DNAJB5: variants seen among roughly 807,000 people sequenced by gnomAD.
DNAJB5 encodes the protein dnaJ homolog subfamily B member 5.
A neutral mutation model predicts 32.6 loss-of-function variants in DNAJB5; 12 were observed. The observed-to-expected ratio is 0.37, with a 90% CI of 0.24 to 0.60. The LOEUF (loss-of-function observed/expected upper bound fraction) is 0.60. Among genes scored for constraint, DNAJB5 ranks in the 20% least tolerant of loss-of-function variants. DNAJB5 has a pLI of 0.71. For synonymous variants in DNAJB5, 188 were observed against 212.9 expected (o/e 0.88, Z 1.02); for missense variants, 358 against 554.2 (o/e 0.65, Z 3.55).
At chr9:34,991,737 C>T (rs903693375) in intron 2 of DNAJB5, 1 of 276,508 alleles carries the variant, frequency 3.6e-6, no homozygotes, top group Non-Finnish European at 7.3e-6. Flanking sequence ...CCATCTCCCC[C>T]ACAGACGTGA....
intron 2 of DNAJB5, chr9:34,991,676 C>CCG (rs1554662743): frequency 7.7e-6 from 2 of 259,492 alleles, no homozygotes; most frequent in South Asian, 2.9e-5. Flanking sequence ...TTGCCCCCCC[C>CCG]CCCAACGAGG....
intron 2 of DNAJB5, chr9:34,991,361 G>C: frequency 2.2e-6 from 1 of 456,294 alleles, no homozygotes; most frequent in Non-Finnish European, 4.4e-6. Flanking sequence ...GATCCTGAAA[G>C]AGCTTGCCCT....
chr9:34,991,671 C>CCA lies in DNAJB5; in HGVS notation c.182+860_182+861insAC, dbSNP rs1554662718. ...GCTGCCATTTCCGAAAACGGTTGCCCCCCCCCCCAACGAGGTGCTCTTTCT... is the reference window on the plus strand; with the variant it reads ...GCTGCCATTTCCGAAAACGGTTGCCCCACCCCCCCCAACGAGGTGCTCTTTCT... On this transcript the variant is annotated intron_variant, in intron 2 of 4. Transcript: ENST00000682809. The CCA allele has an allele frequency of 8.8e-6, 2 of 227,490 alleles. 1 individual carries two copies. The highest frequency in any genetic ancestry group is 1.8e-5 in the Non-Finnish European group (2 of 112,148). The allele number at this position is 227,490 out of a possible 1,614,324, so 14.1% of individuals were successfully genotyped here. A position where few individuals can be genotyped will look rare whatever the true frequency, so the allele number is the denominator to read the frequency against.
At position 34,990,843 on chromosome 9, in the gene DNAJB5, C is replaced by A; in HGVS notation, c.182+31C>A. 2 of 1,530,950 alleles carry A rather than the reference C, an allele frequency of 1.3e-6. No individual in the cohort carries two copies. The highest frequency in any genetic ancestry group is 1.2e-5 in the South Asian group (1 of 80,222). The allele number at this position is 1,530,950 out of a possible 1,614,324, so 94.8% of individuals were successfully genotyped here. On this transcript the variant is annotated intron_variant, in intron 2 of 4. Coordinates refer to ENST00000682809, the MANE Select transcript of DNAJB5 (RefSeq NM_001349723.3). This position sits in a 1 kb window ranked among gnomAD's most constrained non-coding sequence, Gnocchi z 4.5. Reference sequence around the variant, plus strand: ...TCCCTCCGGAGAAGGGCACTCACACCCATACCCAGTCAAACCCTCCACGCG... The same window carrying A: ...TCCCTCCGGAGAAGGGCACTCACACACATACCCAGTCAAACCCTCCACGCG...
In DNAJB5 at chr9:34,993,515, T is replaced by C; in HGVS notation, c.427+71T>C. ...TAGGGGTCCCAGGTGCACCAGTTTGTGTAGCGGGGAACTGGAGGCTGTGGA... is the reference window on the plus strand; with the variant it reads ...TAGGGGTCCCAGGTGCACCAGTTTGCGTAGCGGGGAACTGGAGGCTGTGGA... On this transcript the variant is annotated intron_variant, in intron 3 of 4. Coordinates refer to ENST00000682809, the MANE Select transcript of DNAJB5 (RefSeq NM_001349723.3). This position sits in a 1 kb window ranked among gnomAD's most constrained non-coding sequence, Gnocchi z 4.7. 4 of 1,545,104 alleles carry C rather than the reference T, an allele frequency of 2.6e-6. No homozygotes were observed. In the South Asian group the frequency reaches 5.1e-5, roughly 20 times the overall value.
rs531433083 is a variant in DNAJB5 at position 34,997,073 on chromosome 9, G to T, written c.1077G>T (p.Val359=). ...ACATTCCCACTATCGACGGCCGAGTGATCCCTTTGCCCTGCAATGATGTCA... is the reference window on the plus strand; with the variant it reads ...ACATTCCCACTATCGACGGCCGAGTTATCCCTTTGCCCTGCAATGATGTCA... ...TVNIPTIDGR[V]IPLPCNDVIK... The change falls in exon 5 of 5, where the codon GTG becomes GTT. Residue 359 remains valine (V), a synonymous_variant. Transcript: ENST00000682809. This position sits in a 1 kb window ranked among gnomAD's most constrained non-coding sequence, Gnocchi z 4.1. 9.8e-5 allele frequency: 158 copies of T among 1,614,122 alleles called. 1 individual carries two copies. The South Asian group carries it at 1.6e-3, about 16-fold the overall frequency.
At chr9:34,994,794 C>A (rs1043538252) in intron 3 of DNAJB5, among the ~76,000 whole-genome samples, 9 of 152,154 alleles carry the variant, frequency 5.9e-5, no homozygotes, top group African/African-American at 1.9e-4. Flanking sequence ...CTTAAGGGGA[C>A]CTCCATGGCC....
Position 34,997,398 on chromosome 9 carries a change from A to G in DNAJB5, c.*139A>G. The G allele has an allele frequency of 1.0e-6, 1 of 972,988 alleles. No individual in the cohort carries two copies. Among genetic ancestry groups the G allele is most frequent in the Non-Finnish European group, 1.6e-6 (1 of 626,042 alleles). 60.3% of individuals were successfully genotyped at this position (972,988 alleles called of 1,614,324 possible). On this transcript the variant is annotated 3_prime_UTR_variant, in exon 5 of 5. Transcript: ENST00000682809. This position sits in a 1 kb window ranked among gnomAD's most constrained non-coding sequence, Gnocchi z 4.1. ...AAAAAAAGCCACTGGTTTTCAGGAA[A>G]ATGTTCCTGTCCCTGACCCCTTTTA...
Position 34,996,943 on chromosome 9 carries a change from T to A in DNAJB5, c.1029+77T>A, listed in dbSNP as rs1404164155. On this transcript the variant is annotated intron_variant, in intron 4 of 4. Coordinates refer to ENST00000682809, the MANE Select transcript of DNAJB5 (RefSeq NM_001349723.3). This position sits in a 1 kb window ranked among gnomAD's most constrained non-coding sequence, Gnocchi z 7.2. ...CCCTCTCTTCCCGCCAGCTGGCACATTCTTTCCCCACCTCAGTCTATTTCC... is the reference window on the plus strand; with the variant it reads ...CCCTCTCTTCCCGCCAGCTGGCACAATCTTTCCCCACCTCAGTCTATTTCC... 1.3e-6 allele frequency: 2 copies of A among 1,589,494 alleles called. No homozygotes were observed. The highest frequency in any genetic ancestry group is 4.5e-5 in the East Asian group (2 of 44,688).
In DNAJB5 at chr9:34,997,449, G is replaced by A; in HGVS notation, c.*190G>A. 2 of 727,202 alleles carry A rather than the reference G, an allele frequency of 2.8e-6. No homozygotes were observed. Among genetic ancestry groups the A allele is most frequent in the Non-Finnish European group, 4.9e-6 (2 of 409,556 alleles). 45.0% of individuals were successfully genotyped at this position (727,202 alleles called of 1,614,324 possible). ...GAGCTGGGCTGCCTGGGGGGAGTGG[G>A]AGGGAGGTGGGGAGAGCTAGCCCAG... is the stretch of plus-strand genomic sequence containing the variant. On this transcript the variant is annotated 3_prime_UTR_variant, in exon 5 of 5. Transcript: ENST00000682809. This position sits in a 1 kb window ranked among gnomAD's most constrained non-coding sequence, Gnocchi z 4.1.
chr9:34,996,736 C>T lies in DNAJB5; in HGVS notation c.899C>T (p.Pro300Leu), dbSNP rs1361341792. 6.2e-7 allele frequency: 1 copy of T among 1,614,092 alleles called. No individual in the cohort carries two copies. Among genetic ancestry groups the T allele is most frequent in the Non-Finnish European group, 8.5e-7 (1 of 1,180,028 alleles). The change falls in exon 4 of 5, where the codon CCC becomes CTC. Residue 300 changes from proline (P) to leucine (L), a missense_variant. Physicochemically the swap from Pro to Leu is moderately conservative, Grantham distance 98. Transcript: ENST00000682809. This position sits in a 1 kb window ranked among gnomAD's most constrained non-coding sequence, Gnocchi z 7.2. ...GWKEGTKITFPKEGDATPDNI... is the reference protein window; with the variant it reads ...GWKEGTKITFLKEGDATPDNI... ...AAGGAAGGCACCAAGATCACCTTCC[C>T]CAAAGAAGGCGACGCCACACCTGAC...
rs1230581630 is a variant in DNAJB5, at chr9:34,998,051, G to C, written c.*792G>C. 9 of 152,974 alleles carry C rather than the reference G, an allele frequency of 5.9e-5. No homozygotes were observed. Among genetic ancestry groups the C allele is most frequent in the African/African-American group, 2.2e-4 (9 of 41,438 alleles). 9.5% of individuals were successfully genotyped at this position (152,974 alleles called of 1,614,324 possible). ...TACCAGCCTTCATCAGGAAGGGAAAGGGCTTTGGGGTCAGGTGGCAGCTAT... is the reference window on the plus strand; with the variant it reads ...TACCAGCCTTCATCAGGAAGGGAAACGGCTTTGGGGTCAGGTGGCAGCTAT... On this transcript the variant is annotated 3_prime_UTR_variant, in exon 5 of 5. Transcript: ENST00000682809.
intron 2 of DNAJB5, chr9:34,991,707 T>A (rs1827650409): frequency 8.1e-6 from 2 of 246,644 alleles, no homozygotes; most frequent in African/African-American, 6.7e-5. Context: ...TCTCTGCCTC[T>A]CCCAACCCCA....
chr9:34,992,839 G>A, intron 2 of DNAJB5: 1 of 1,075,012 alleles, frequency 9.3e-7, no homozygotes, highest in Non-Finnish European at 1.1e-6. Flanking sequence ...ACCTTCGCCA[G>A]CTCCTGTGTG....
In DNAJB5 at chr9:34,997,238, G is replaced by C; in HGVS notation, c.1242G>C (p.Lys414Asn). The C allele has an allele frequency of 1.2e-6, 2 of 1,614,156 alleles. No individual in the cohort carries two copies. Among genetic ancestry groups the C allele is most frequent in the Non-Finnish European group, 1.7e-6 (2 of 1,180,034 alleles). The change falls in exon 5 of 5, where the codon AAG (lysine) becomes AAC (asparagine). Residue 414 changes from lysine to asparagine, a missense_variant. Transcript: ENST00000682809. The surrounding 1 kb of genome is among the most constrained non-coding windows in gnomAD (Gnocchi z 4.1). ...CACCACAGACAAGACAGATCCTTAA[G>C]CAGCACCTACCCTGTTCCTAGGCTC... ...RLTPQTRQIL[K>N]QHLPCS
rs1827856561 is a variant in DNAJB5, at chr9:34,998,181, A to C, written c.*922A>C. 6.6e-6 allele frequency: 1 copy of C among 152,284 alleles called. No individual in the cohort carries two copies. Among genetic ancestry groups the C allele is most frequent in the African/African-American group, 2.4e-5 (1 of 41,284 alleles). 9.4% of individuals were successfully genotyped at this position (152,284 alleles called of 1,614,324 possible). On this transcript the variant is annotated 3_prime_UTR_variant, in exon 5 of 5. Coordinates refer to ENST00000682809, the MANE Select transcript of DNAJB5 (RefSeq NM_001349723.3). Reference sequence around the variant, plus strand: ...TCCCACTTTTGTGATATGTGAAGCTACTCATTTCTTACCCTTGGAGGCTGT... The same window carrying C: ...TCCCACTTTTGTGATATGTGAAGCTCCTCATTTCTTACCCTTGGAGGCTGT...
chr9:34,993,595 C>A lies in DNAJB5; in HGVS notation c.427+151C>A, dbSNP rs1827714720. The A allele has an allele frequency of 7.6e-6, 8 of 1,053,600 alleles. No homozygotes were observed. The highest frequency in any genetic ancestry group is 1.1e-5 in the Non-Finnish European group (8 of 746,172). The allele number at this position is 1,053,600 out of a possible 1,614,324, so 65.3% of individuals were successfully genotyped here. On this transcript the variant is annotated intron_variant, in intron 3 of 4. Transcript: ENST00000682809. The surrounding 1 kb of genome is among the most constrained non-coding windows in gnomAD (Gnocchi z 4.7). Reference sequence around the variant, plus strand: ...CTGTCACCCAGAGAAGAGAGAAGCCCACCCACTACCCAGCTCAGCTCACCC... The same window carrying A: ...CTGTCACCCAGAGAAGAGAGAAGCCAACCCACTACCCAGCTCAGCTCACCC...
intron 2 of DNAJB5, chr9:34,991,674 C>CCCG (rs1554662735): frequency 4.2e-5 from 10 of 240,702 alleles, no homozygotes; most frequent in Non-Finnish European, 7.6e-5. Context: ...GGTTGCCCCC[C>CCCG]CCCCCAACGA....
At position 34,997,741 on chromosome 9, in the gene DNAJB5, C is replaced by A. The variant is rs1827844039; in HGVS notation, c.*482C>A. On this transcript the variant is annotated 3_prime_UTR_variant, in exon 5 of 5. Coordinates refer to ENST00000682809, the MANE Select transcript of DNAJB5 (RefSeq NM_001349723.3). The surrounding 1 kb of genome is among the most constrained non-coding windows in gnomAD (Gnocchi z 4.1). The stretch of plus-strand genomic sequence containing the variant: ...TGTCCAAGGTAATGGCACACATATT[C>A]ATGCACAAGAAGCACTCACCTAGAG... 7 of 292,182 alleles carry A rather than the reference C, an allele frequency of 2.4e-5. No individual in the cohort carries two copies. Among genetic ancestry groups the A allele is most frequent in the South Asian group, 2.4e-4 (7 of 29,656 alleles). 18.1% of individuals were successfully genotyped at this position (292,182 alleles called of 1,614,324 possible). A position where few individuals can be genotyped will look rare whatever the true frequency, so the allele number is the denominator to read the frequency against.
Sources: allele counts gnomAD v4.1 joint callset (sites outside exome capture counted in the v4.1 genomes callset), GRCh38; gene constraint gnomAD v4.1.1; non-coding constraint Gnocchi (gnomAD v3.1); transcripts MANE v1.5; gene names NCBI Gene and HGNC (gene_info 2026-07-23, HGNC 2026-07-21).